The following RAB6A variants were observed in gnomAD, a reference collection of about 807,000 sequenced individuals.
The protein encoded by RAB6A is ras-related protein Rab-6A.
A neutral mutation model predicts 32.3 loss-of-function variants in RAB6A; 8 were observed. The observed-to-expected ratio is 0.25, with a 90% CI of 0.15 to 0.45. RAB6A has a LOEUF of 0.45. Among genes scored for constraint, RAB6A ranks in the 20% least tolerant of loss-of-function variants. The pLI is 1.00. For missense variants in RAB6A, 104 were observed against 249.4 expected (o/e 0.42, Z 3.93); for synonymous variants, 73 against 82.1 (o/e 0.89, Z 0.60).
At chr11:73,683,836 T>C (rs1945397596) in intron 6 of RAB6A, among the ~76,000 whole-genome samples, 1 of 152,076 alleles carries the variant, frequency 6.6e-6, no homozygotes, top group South Asian at 2.1e-4. Context: ...TAAAGGCATG[T>C]GCCACTGCGA....
intron 1 of RAB6A, among the ~76,000 whole-genome samples, chr11:73,744,692 T>C (rs2135001006): frequency 6.6e-6 from 1 of 152,178 alleles, no homozygotes; most frequent in East Asian, 1.9e-4. Flanking sequence ...AAATAAGCAC[T>C]GGGGCTGGGC....
chr11:73,743,632 A>T (rs1457424462), intron 1 of RAB6A, among the ~76,000 whole-genome samples: 1 of 151,876 alleles, frequency 6.6e-6, no homozygotes, highest in Non-Finnish European at 1.5e-5. Context: ...AAAACCACCA[A>T]CCAAAAAAAA....
At chr11:73,718,182 G>A (rs1946079759) in intron 4 of RAB6A, among the ~76,000 whole-genome samples, 1 of 152,134 alleles carries the variant, frequency 6.6e-6, no homozygotes, top group South Asian at 2.1e-4. Context: ...GGCTGGAAGG[G>A]GAAAGCAGAG....
At chr11:73,713,036 T>TA (rs1391925222) in intron 5 of RAB6A, among the ~76,000 whole-genome samples, 1 of 152,172 alleles carries the variant, frequency 6.6e-6, no homozygotes, top group Non-Finnish European at 1.5e-5. Context: ...CTATTATTAA[T>TA]ATAAATAGGG....
At chr11:73,747,450 C>T (rs12361691) in intron 1 of RAB6A, among the ~76,000 whole-genome samples, 72,344 of 149,976 alleles carry the variant, frequency 0.48, 18,791 homozygotes, top group East Asian at 0.6. Context: ...CCCCCCGCCC[C>T]GCCCCCGGCC....
rs537976584 is a variant in RAB6A at position 73,677,628 on chromosome 11, T to C, written c.*270A>G. On this transcript the variant is annotated 3_prime_UTR_variant, in exon 8 of 8. Transcript: ENST00000336083. The stretch of plus-strand genomic sequence containing the variant: ...ATCATAACATTAAAAAAGAAAAAAA[T>C]GTTAAGAAAATGTATCTAATTTTTA... 651 of 815,532 alleles carry C rather than the reference T, an allele frequency of 8.0e-4. 2 individuals are homozygous for C. Among genetic ancestry groups the C allele is most frequent in the Non-Finnish European group, 6.5e-4 (351 of 537,432 alleles). The allele number at this position is 815,532 out of a possible 1,614,324, so 50.5% of individuals were successfully genotyped here.
chr11:73,687,235 A>G (rs6592529), intron 6 of RAB6A, among the ~76,000 whole-genome samples: 139,214 of 152,148 alleles, frequency 0.91, 63,867 homozygotes, highest in East Asian at 1. Context: ...AGGGGGAAAT[A>G]AGGAGTTATT....
At chr11:73,736,809 G>GAAAAGAA (rs1946401675) in intron 1 of RAB6A, among the ~76,000 whole-genome samples, 1 of 108,770 alleles carries the variant, frequency 9.2e-6, no homozygotes, top group Non-Finnish European at 1.7e-5. Flanking sequence ...AAAAAAAAAA[G>GAAAAGAA]AAAAAAAAAA....
chr11:73,696,338 T>C (rs1347499703), intron 6 of RAB6A, among the ~76,000 whole-genome samples: 2 of 152,018 alleles, frequency 1.3e-5, no homozygotes, highest in Admixed American at 6.6e-5. Context: ...GCTGAGATTA[T>C]AGGCACCCAC....
chr11:73,744,985 A>C (rs2135001729), intron 1 of RAB6A, among the ~76,000 whole-genome samples: 1 of 152,214 alleles, frequency 6.6e-6, no homozygotes, highest in Non-Finnish European at 1.5e-5. Context: ...AAAGAAAAAA[A>C]AAAAAAAAGA....
intron 6 of RAB6A, among the ~76,000 whole-genome samples, chr11:73,682,765 G>C (rs560589986): frequency 1.3e-5 from 2 of 152,310 alleles, no homozygotes; most frequent in East Asian, 3.9e-4. Flanking sequence ...CTGGGCTGAA[G>C]TGATCCTCCC....
At chr11:73,711,488 T>C (rs904738531) in intron 5 of RAB6A, among the ~76,000 whole-genome samples, 4 of 152,236 alleles carry the variant, frequency 2.6e-5, no homozygotes, top group African/African-American at 9.6e-5. Context: ...TGTTCGTAAG[T>C]TTGTCAAACC....
At chr11:73,714,209 A>AAAAAT (rs35864471) in intron 5 of RAB6A, among the ~76,000 whole-genome samples, 4 of 57,572 alleles carry the variant, frequency 6.9e-5, no homozygotes, top group Admixed American at 2.2e-4. Flanking sequence ...AAAAAAAAAA[A>AAAAAT]ATATATATAT....
intron 1 of RAB6A, among the ~76,000 whole-genome samples, chr11:73,755,119 C>T (rs201542783): frequency 6.6e-6 from 1 of 151,408 alleles, no homozygotes; most frequent in African/African-American, 2.4e-5. Flanking sequence ...TTAGTAGAGA[C>T]GGGGTTTCAC....
chr11:73,692,723 T>C (rs1444343244), intron 6 of RAB6A, among the ~76,000 whole-genome samples: 1 of 135,150 alleles, frequency 7.4e-6, no homozygotes, highest in Non-Finnish European at 1.5e-5. Flanking sequence ...GGCGGGCGGA[T>C]CACAAGTTCA....
chr11:73,732,385 G>A (rs542418401), intron 1 of RAB6A, among the ~76,000 whole-genome samples: 1 of 152,202 alleles, frequency 6.6e-6, no homozygotes, highest in African/African-American at 2.4e-5. Context: ...AGGAGATTGA[G>A]ACCATCCTGG....
chr11:73,743,907 G>A (rs1056235248), intron 1 of RAB6A, among the ~76,000 whole-genome samples: 1 of 152,074 alleles, frequency 6.6e-6, no homozygotes, highest in Non-Finnish European at 1.5e-5. Flanking sequence ...GCCTAAGATT[G>A]CATCTCTCTA....
At chr11:73,736,352 C>G (rs2134983141) in intron 1 of RAB6A, among the ~76,000 whole-genome samples, 1 of 152,034 alleles carries the variant, frequency 6.6e-6, no homozygotes, top group Non-Finnish European at 1.5e-5. Flanking sequence ...TCACTTGAAC[C>G]CGGGAGGCGG....
At chr11:73,693,607 T>C (rs1021389062) in intron 6 of RAB6A, among the ~76,000 whole-genome samples, 17 of 149,290 alleles carry the variant, frequency 1.1e-4, no homozygotes, top group African/African-American at 4.0e-4. Context: ...AGCGACAGGC[T>C]GGGCGCTGTG....
Sources: gnomAD v4.1 joint callset for allele counts (sites outside exome capture counted in the v4.1 genomes callset) on GRCh38, gnomAD v4.1.1 for gene constraint, MANE v1.5 for transcripts, NCBI Gene and HGNC (gene_info 2026-07-23, HGNC 2026-07-21) for gene names.